The following INSYN2A variants were observed in gnomAD, a reference collection of about 807,000 sequenced individuals.
INSYN2A encodes the protein family with sequence similarity 196 member A.
In INSYN2A, 17 loss-of-function variants were observed where a neutral mutation model predicts 39.4. That is an observed-to-expected ratio of 0.43 (90% CI 0.30 to 0.65). The LOEUF (loss-of-function observed/expected upper bound fraction) is 0.65, where lower values mean the gene tolerates loss of function less well. Ranked by LOEUF, INSYN2A falls within the 30% of genes least tolerant of loss-of-function variation. The probability of loss-of-function intolerance (pLI) is 0.14; values close to 1 mark genes in which losing one functional copy is unlikely to be tolerated. For synonymous variants in INSYN2A, 255 were observed against 265.7 expected (o/e 0.96, Z 0.39); for missense variants, 595 against 631.2 (o/e 0.94, Z 0.61).
intron 5 of INSYN2A, among the ~76,000 whole-genome samples, chr10:127,142,527 A>G (rs2051363510): frequency 6.6e-6 from 1 of 152,214 alleles, no homozygotes; most frequent in South Asian, 2.1e-4. Context: ...AGTCTGAAGC[A>G]GCTGGAGCCA....
At chr10:127,165,753 G>A (rs943296138) in intron 4 of INSYN2A, among the ~76,000 whole-genome samples, 13 of 152,246 alleles carry the variant, frequency 8.5e-5, no homozygotes, top group Middle Eastern at 3.4e-3. Context: ...AAGGAGAGAC[G>A]TTGCATCCTG....
chr10:127,177,082 A>G lies in INSYN2A; in HGVS notation c.-211T>C, dbSNP rs2055231336. On this transcript the variant is annotated 5_prime_UTR_variant, in exon 3 of 6. Transcript: ENST00000522781. Reference sequence around the variant, plus strand: ...AAGGAACGTGGGTTTCCCTGCATCTACAAAGGCCATGTTTGCAACTCCTTT... The same window carrying G: ...AAGGAACGTGGGTTTCCCTGCATCTGCAAAGGCCATGTTTGCAACTCCTTT... The G allele has an allele frequency of 6.6e-6, 1 of 152,078 alleles. No homozygotes were observed. Among genetic ancestry groups the G allele is most frequent in the African/African-American group, 2.4e-5 (1 of 41,392 alleles). The allele number at this position is 152,078 out of a possible 1,614,324, so 9.4% of individuals were successfully genotyped here. A position where few individuals can be genotyped will look rare whatever the true frequency, so the allele number is the denominator to read the frequency against.
chr10:127,154,567 G>A (rs1398974876), intron 4 of INSYN2A, among the ~76,000 whole-genome samples: 1 of 152,062 alleles, frequency 6.6e-6, no homozygotes, highest in South Asian at 2.1e-4. Flanking sequence ...TTGCCTCTTG[G>A]TCTGCAAATC....
At position 127,137,733 on chromosome 10, in the gene INSYN2A, G is replaced by C; in HGVS notation, c.*104C>G. 1 of 1,084,686 alleles carries C rather than the reference G, an allele frequency of 9.2e-7. No individual in the cohort carries two copies. Among genetic ancestry groups the C allele is most frequent in the South Asian group, 1.7e-5 (1 of 60,054 alleles). 67.2% of individuals were successfully genotyped at this position (1,084,686 alleles called of 1,614,324 possible). ...GCAGGGCGAGAAGTGGGAGGTGCCT[G>C]AATGGGCACCACAGTTCCCTCGATC... On this transcript the variant is annotated 3_prime_UTR_variant, in exon 6 of 6. Coordinates refer to ENST00000522781, the MANE Select transcript of INSYN2A (RefSeq NM_001039762.3).
intron 4 of INSYN2A, among the ~76,000 whole-genome samples, chr10:127,172,112 G>GT (rs1424437308): frequency 6.6e-6 from 1 of 152,058 alleles, no homozygotes; most frequent in African/African-American, 2.4e-5. Context: ...TTGTTTGTTT[G>GT]TTTTTTTAAA....
intron 5 of INSYN2A, among the ~76,000 whole-genome samples, chr10:127,144,948 G>T (rs2133352998): frequency 6.6e-6 from 1 of 151,426 alleles, no homozygotes; most frequent in African/African-American, 2.4e-5. Flanking sequence ...TATGATTATA[G>T]TTTTTTTAAA....
chr10:127,151,801 A>G (rs1003279175), intron 5 of INSYN2A, among the ~76,000 whole-genome samples: 4 of 152,180 alleles, frequency 2.6e-5, no homozygotes, highest in African/African-American at 9.6e-5. Context: ...TCTTCTAGCA[A>G]GTGGACCAGT....
intron 5 of INSYN2A, among the ~76,000 whole-genome samples, chr10:127,141,572 G>A (rs1246479115): frequency 6.6e-6 from 1 of 152,066 alleles, no homozygotes; most frequent in African/African-American, 2.4e-5. Flanking sequence ...GTGTGATGGT[G>A]CATGTCTGTA....
intron 2 of INSYN2A, among the ~76,000 whole-genome samples, chr10:127,186,002 T>C (rs1250326775): frequency 6.6e-6 from 1 of 152,204 alleles, no homozygotes; most frequent in Non-Finnish European, 1.5e-5. Context: ...AGTGGCAAAA[T>C]AAATTGAGTT....
At chr10:127,154,465 T>G (rs1256027048) in intron 4 of INSYN2A, among the ~76,000 whole-genome samples, 1 of 152,252 alleles carries the variant, frequency 6.6e-6, no homozygotes, top group East Asian at 1.9e-4. Flanking sequence ...GATCCGAAAT[T>G]CAAATTTCAG....
Position 127,175,175 on chromosome 10 carries a change from C to T in INSYN2A, c.1184+37G>A, listed in dbSNP as rs2054968498. 6.5e-7 allele frequency: 1 copy of T among 1,544,690 alleles called. No individual in the cohort carries two copies. Among genetic ancestry groups the T allele is most frequent in the South Asian group, 1.2e-5 (1 of 82,468 alleles). ...ACAGATGGACTCTGTGGTGATCAGC[C>T]TGCATAGCTTCCTAAGACATGGGTG... On this transcript the variant is annotated intron_variant, in intron 4 of 5. Coordinates refer to ENST00000522781, the MANE Select transcript of INSYN2A (RefSeq NM_001039762.3). The surrounding 1 kb of genome is among the most constrained non-coding windows in gnomAD (Gnocchi z 6.3).
At chr10:127,183,825 T>C (rs1240120132) in intron 2 of INSYN2A, among the ~76,000 whole-genome samples, 1 of 152,240 alleles carries the variant, frequency 6.6e-6, no homozygotes, top group African/African-American at 2.4e-5. Flanking sequence ...CTTAAAAATC[T>C]ACCTCTTATC....
chr10:127,153,820 A>G (rs764697708), intron 5 of INSYN2A, 32 bp downstream of exon 5: 7 of 1,519,598 alleles, frequency 4.6e-6, no homozygotes. Context: ...CACTCATAAT[A>G]AGAAAGTGGG....
At chr10:127,162,348 G>A (rs1490533378) in intron 4 of INSYN2A, among the ~76,000 whole-genome samples, 1 of 152,184 alleles carries the variant, frequency 6.6e-6, no homozygotes, top group African/African-American at 2.4e-5. Context: ...TGAGAACTTG[G>A]AAGTAATATA....
At chr10:127,158,103 C>G (rs2053255237) in intron 4 of INSYN2A, among the ~76,000 whole-genome samples, 1 of 152,194 alleles carries the variant, frequency 6.6e-6, no homozygotes, top group Admixed American at 6.5e-5. Context: ...AATAATTGGG[C>G]TGCAGCATCT....
chr10:127,138,797 G>T (rs1454610412), intron 5 of INSYN2A, among the ~76,000 whole-genome samples: 1 of 152,186 alleles, frequency 6.6e-6, no homozygotes, highest in Non-Finnish European at 1.5e-5. Context: ...TGTTAAAGAT[G>T]ATTTTTGAAC....
intron 5 of INSYN2A, among the ~76,000 whole-genome samples, chr10:127,145,462 A>G (rs1377329697): frequency 6.6e-6 from 1 of 152,226 alleles, no homozygotes; most frequent in Non-Finnish European, 1.5e-5. Flanking sequence ...TCAGTGAAGA[A>G]CAGCCAGTTT....
chr10:127,167,201 TAGAA>T (rs916391230), intron 4 of INSYN2A, among the ~76,000 whole-genome samples: 1 of 152,178 alleles, frequency 6.6e-6, no homozygotes, highest in South Asian at 2.1e-4. Context: ...AAGAAAATGA[TAGAA>T]AGAATATGAA....
intron 4 of INSYN2A, among the ~76,000 whole-genome samples, chr10:127,174,189 C>T (rs1019807729): frequency 2.0e-5 from 3 of 152,208 alleles, no homozygotes; most frequent in African/African-American, 4.8e-5. Context: ...TTGCTAAACC[C>T]AGGGCTCAGG....
Sources: gnomAD v4.1 joint callset for allele counts (sites outside exome capture counted in the v4.1 genomes callset) on GRCh38, gnomAD v4.1.1 for gene constraint, Gnocchi (gnomAD v3.1) non-coding constraint, MANE v1.5 for transcripts, NCBI Gene and HGNC (gene_info 2026-07-23, HGNC 2026-07-21) for gene names.